MRPS11: variants seen among roughly 807,000 people sequenced by gnomAD.
MRPS11 encodes mitochondrial ribosomal protein S11, also known as small ribosomal subunit protein uS11m.
In MRPS11, 27 loss-of-function variants were observed where a neutral mutation model predicts 24.3. The ratio of observed to expected loss-of-function variants is 1.11; its 90% CI spans 0.82 to 1.53. The LOEUF is 1.53. Ranked by LOEUF, MRPS11 falls within the 40% of genes most tolerant of loss-of-function variation. MRPS11 has a pLI of 0.00. For synonymous variants in MRPS11, 104 were observed against 98.7 expected (o/e 1.05, Z -0.32); for missense variants, 277 against 256.5 (o/e 1.08, Z -0.55).
chr15:88,475,659 G>A lies in MRPS11; in HGVS notation c.411+420G>A, dbSNP rs2055807042. Among the ~76,000 whole-genome samples, 1 of 152,052 alleles carries A rather than the reference G, an allele frequency of 6.6e-6. No individual in the cohort carries two copies. Among genetic ancestry groups the A allele is most frequent in the African/African-American group, 2.4e-5 (1 of 41,394 alleles). On this transcript the variant is annotated intron_variant, in intron 4 of 5. Transcript: ENST00000325844. This position sits in a 1 kb window ranked among gnomAD's most constrained non-coding sequence, Gnocchi z 4.1. ...CACTAAAGCCTGGGCAACAGAGAGA[G>A]ACCCTGTCTCCAAAATAAATTAAAA...
rs2055858083 is a variant in MRPS11 at position 88,477,965 on chromosome 15, G to C, written c.571G>C (p.Ala191Pro). The change falls in exon 6 of 6, where the codon GCT becomes CCT. Residue 191 changes from alanine (A) to proline (P), a missense_variant. Physicochemically the swap from Ala to Pro is conservative, Grantham distance 27. Transcript: ENST00000325844. The surrounding 1 kb of genome is among the most constrained non-coding windows in gnomAD (Gnocchi z 5.7). ...ACACAACGGCTGCCGCCCCAGGAAGGCTCGGAAGCTGTGATGGGAAGGAGG... is the reference window on the plus strand; with the variant it reads ...ACACAACGGCTGCCGCCCCAGGAAGCCTCGGAAGCTGTGATGGGAAGGAGG... Reference protein sequence around the residue: ...IPHNGCRPRKARKL With the variant: ...IPHNGCRPRKPRKL The C allele has an allele frequency of 6.2e-7, 1 of 1,614,160 alleles. No individual in the cohort carries two copies. The highest frequency in any genetic ancestry group is 8.5e-7 in the Non-Finnish European group (1 of 1,180,018).
At chr15:88,468,542 A>G (rs1264106402) in intron 2 of MRPS11, 2 of 985,416 alleles carry the variant, frequency 2.0e-6, no homozygotes, top group African/African-American at 3.5e-5. Context: ...TTTACCAAGA[A>G]TCTACTATGA....
At chr15:88,471,047 C>T (rs996778505) in intron 2 of MRPS11, among the ~76,000 whole-genome samples, 13 of 152,078 alleles carry the variant, frequency 8.5e-5, no homozygotes, top group African/African-American at 1.7e-4. Context: ...CAGGAGAGAG[C>T]GCAAAGGCTG....
intron 1 of MRPS11, 37 bp downstream of exon 1, chr15:88,467,819 T>C (rs369595237): frequency 1.2e-6 from 2 of 1,613,508 alleles, no homozygotes; most frequent in Non-Finnish European, 1.7e-6. Flanking sequence ...CACCGCCACC[T>C]CCAGGACTAT....
At position 88,475,022 on chromosome 15, in the gene MRPS11, TCACCC is replaced by T; in HGVS notation, c.282-87_282-83del. 6.8e-7 allele frequency: 1 copy of T among 1,478,872 alleles called. No individual in the cohort carries two copies. The highest frequency in any genetic ancestry group is 2.3e-5 in the Admixed American group (1 of 44,302). 91.6% of individuals were successfully genotyped at this position (1,478,872 alleles called of 1,614,324 possible). ...AAGCAACTGAATTCCTTTTTCTTTC[TCACCC>T]AGGCTTCTAGGGGCATAGATTAGCT... On this transcript the variant is annotated intron_variant, in intron 3 of 5. Transcript: ENST00000325844. The surrounding 1 kb of genome is among the most constrained non-coding windows in gnomAD (Gnocchi z 4.1).
At chr15:88,473,624 C>G (rs2055761181) in intron 3 of MRPS11, among the ~76,000 whole-genome samples, 1 of 152,194 alleles carries the variant, frequency 6.6e-6, no homozygotes, top group African/African-American at 2.4e-5. Context: ...CAGAGACAAG[C>G]AATTACGCAT....
rs1400342503 is a variant in MRPS11 at position 88,475,843 on chromosome 15, G to A, written c.411+604G>A. ...GTGGTGGTGCGCGCCTGTAGTCCCA[G>A]GTACTCGGGAGGCTGAGGCAGGAGA... is the stretch of plus-strand genomic sequence containing the variant. On this transcript the variant is annotated intron_variant, in intron 4 of 5. Transcript: ENST00000325844. The surrounding 1 kb of genome is among the most constrained non-coding windows in gnomAD (Gnocchi z 4.1). 6.6e-6 allele frequency among the ~76,000 whole-genome samples: 1 copy of A among 152,132 alleles called. No homozygotes were observed. The highest frequency in any genetic ancestry group is 1.5e-5 in the Non-Finnish European group (1 of 68,046).
At chr15:88,473,631 G>C (rs370068069) in intron 3 of MRPS11, among the ~76,000 whole-genome samples, 9 of 152,112 alleles carry the variant, frequency 5.9e-5, no homozygotes, top group Non-Finnish European at 1.3e-4. Flanking sequence ...AAGCAATTAC[G>C]CATCTATTCA....
rs759886427 is a variant in MRPS11, at chr15:88,477,019, C to T, written c.442C>T (p.Arg148Ter). The T allele has an allele frequency of 1.3e-5, 21 of 1,614,022 alleles. No homozygotes were observed. The highest frequency in any genetic ancestry group is 2.2e-5 in the East Asian group (1 of 44,876). The change falls in exon 5 of 6, where the codon CGA (arginine) becomes TGA (stop). Residue 148 changes from arginine to a stop codon, truncating the protein, a stop_gained. Coordinates refer to ENST00000325844, the MANE Select transcript of MRPS11 (RefSeq NM_022839.5). LOFTEE classifies it high-confidence loss of function. This position sits in a 1 kb window ranked among gnomAD's most constrained non-coding sequence, Gnocchi z 5.7. The stretch of plus-strand genomic sequence containing the variant: ...TAAACAAAAGGGCGTGATCCACATC[C>T]GAGTTGTGGTGAAAGGCCTGGGGCC... ...RAKQKGVIHI[R>*]VVVKGLGPGR...
chr15:88,474,584 G>A (rs1378550725), intron 3 of MRPS11, among the ~76,000 whole-genome samples: 1 of 150,714 alleles, frequency 6.6e-6, no homozygotes, highest in Non-Finnish European at 1.5e-5. Context: ...AGCCAATATG[G>A]TAATATTGCT....
chr15:88,472,055 G>T (rs7176734), intron 2 of MRPS11, among the ~76,000 whole-genome samples: 12,965 of 152,242 alleles, frequency 0.085, 1,592 homozygotes, highest in African/African-American at 0.27. Flanking sequence ...TGTACCTGTT[G>T]TTGGGATATA....
At position 88,479,786 on chromosome 15, in the gene MRPS11, CA is replaced by C. The variant is rs1158663819; in HGVS notation, c.*1809del. 6.6e-6 allele frequency: 1 copy of C among 152,232 alleles called. No individual in the cohort carries two copies. The highest frequency in any genetic ancestry group is 1.5e-5 in the Non-Finnish European group (1 of 68,064). 9.4% of individuals were successfully genotyped at this position (152,232 alleles called of 1,614,324 possible). On this transcript the variant is annotated 3_prime_UTR_variant, in exon 6 of 6. Transcript: ENST00000325844. ...GAGGGCCCGTAGCCATCAGACAGTT[CA>C]ATCAGGGTCTGAGCAGGAAACAGCT...
intron 2 of MRPS11, chr15:88,472,395 A>G (rs369231420): frequency 2.3e-6 from 1 of 435,402 alleles, no homozygotes; most frequent in South Asian, 2.8e-5. Context: ...ATCCCTTCTC[A>G]TAGCGGAAAG....
chr15:88,477,175 A>G lies in MRPS11; in HGVS notation c.477+121A>G, dbSNP rs2142221100. On this transcript the variant is annotated intron_variant, in intron 5 of 5. Coordinates refer to ENST00000325844, the MANE Select transcript of MRPS11 (RefSeq NM_022839.5). The surrounding 1 kb of genome is among the most constrained non-coding windows in gnomAD (Gnocchi z 5.7). ...TTAGTGGATTTCCATGTTTGCTTGA[A>G]GTTCCCGTCTGTTGTTTCTATAATT... The G allele has an allele frequency of 1.1e-6, 1 of 909,018 alleles. No individual in the cohort carries two copies. The highest frequency in any genetic ancestry group is 2.2e-4 in the Middle Eastern group (1 of 4,596). 56.3% of individuals were successfully genotyped at this position (909,018 alleles called of 1,614,324 possible). A position where few individuals can be genotyped will look rare whatever the true frequency, so the allele number is the denominator to read the frequency against.
At chr15:88,476,846 G>A (rs916046522) in intron 4 of MRPS11, 143 bp from the exon 5 acceptor site, 1 of 725,016 alleles carries the variant, frequency 1.4e-6, no homozygotes, top group Admixed American at 2.4e-5. Context: ...CTCCACTATA[G>A]CCATCTGCCC....
At chr15:88,474,704 T>C (rs1001278893) in intron 3 of MRPS11, among the ~76,000 whole-genome samples, 6 of 151,982 alleles carry the variant, frequency 3.9e-5, no homozygotes, top group African/African-American at 1.5e-4. Context: ...GGGAGTGGGG[T>C]GGGAACAAGG....
chr15:88,475,307 G>A lies in MRPS11; in HGVS notation c.411+68G>A, dbSNP rs1218444528. On this transcript the variant is annotated intron_variant, in intron 4 of 5. Transcript: ENST00000325844. This position sits in a 1 kb window ranked among gnomAD's most constrained non-coding sequence, Gnocchi z 4.1. ...TTTCTGCATGGCTCATCACTGAGTGGAGAATCCTCATTATACTACCCATTC... is the reference window on the plus strand; with the variant it reads ...TTTCTGCATGGCTCATCACTGAGTGAAGAATCCTCATTATACTACCCATTC... 9.4e-6 allele frequency: 15 copies of A among 1,599,672 alleles called. No individual in the cohort carries two copies. Among genetic ancestry groups the A allele is most frequent in the Non-Finnish European group, 1.3e-5 (15 of 1,173,074 alleles).
rs2055637213 is a variant in MRPS11, at chr15:88,469,439, A to G, written c.182+1415A>G. 6.6e-6 allele frequency among the ~76,000 whole-genome samples: 1 copy of G among 152,236 alleles called. No individual in the cohort carries two copies. The highest frequency in any genetic ancestry group is 1.5e-5 in the Non-Finnish European group (1 of 68,044). On this transcript the variant is annotated intron_variant, in intron 2 of 5. Coordinates refer to ENST00000325844, the MANE Select transcript of MRPS11 (RefSeq NM_022839.5). This position sits in a 1 kb window ranked among gnomAD's most constrained non-coding sequence, Gnocchi z 4.4. ...CCTGCCCTCATAGAACTTAAATTCC[A>G]GTGGGTAGAAGACAGTAAATAGAAA...
chr15:88,477,005 G>A lies in MRPS11; in HGVS notation c.428G>A (p.Gly143Asp). Reference protein sequence around the residue: ...IAAAARAKQKGVIHIRVVVKG... With the variant: ...IAAAARAKQKDVIHIRVVVKG... ...TCTCTCCAGAGAGCTAAACAAAAGG[G>A]CGTGATCCACATCCGAGTTGTGGTG... The change falls in exon 5 of 6, where the codon GGC (glycine) becomes GAC (aspartate). Residue 143 changes from glycine to aspartate, a missense_variant. By Grantham distance (94) the Gly-to-Asp change is moderately conservative. Transcript: ENST00000325844. This position sits in a 1 kb window ranked among gnomAD's most constrained non-coding sequence, Gnocchi z 5.7. 4.3e-6 allele frequency: 7 copies of A among 1,614,006 alleles called. No homozygotes were observed. The highest frequency in any genetic ancestry group is 5.9e-6 in the Non-Finnish European group (7 of 1,179,990).
Sources: allele counts gnomAD v4.1 joint callset (sites outside exome capture counted in the v4.1 genomes callset), GRCh38; gene constraint gnomAD v4.1.1; non-coding constraint Gnocchi (gnomAD v3.1); transcripts MANE v1.5; gene names NCBI Gene and HGNC (gene_info 2026-07-23, HGNC 2026-07-21).